The following LMO7 variants were observed in gnomAD, a reference collection of about 807,000 sequenced individuals.
LMO7 encodes LIM domain only protein 7.
LMO7 carries 120 observed loss-of-function variants against 206.5 expected under a neutral mutation model. That is an observed-to-expected ratio of 0.58 (90% CI 0.50 to 0.68). LMO7 has a LOEUF of 0.68. Ranked by LOEUF, LMO7 falls within the 30% of genes least tolerant of loss-of-function variation. The pLI, the probability that LMO7 is intolerant of heterozygous loss-of-function variation, is 0.00. For synonymous variants in LMO7, 706 were observed against 681.5 expected, an observed-to-expected ratio of 1.04 and a Z score of -0.56; for missense variants, 1,959 against 1,957.9, an observed-to-expected ratio of 1.00 and a Z score of -0.01.
intron 4 of LMO7, among the ~76,000 whole-genome samples, chr13:75,767,824 A>G (rs1318009200): frequency 6.6e-6 from 1 of 152,066 alleles, no homozygotes; most frequent in African/African-American, 2.4e-5. Context: ...ATCTTATCAT[A>G]TCAGTTAATA....
intron 1 of LMO7, among the ~76,000 whole-genome samples, chr13:75,662,054 A>T (rs1233402909): frequency 1.3e-5 from 2 of 152,164 alleles, no homozygotes; most frequent in East Asian, 1.9e-4. Flanking sequence ...CTGAGAAGCT[A>T]CTCACCCTTA....
chr13:75,779,704 GA>G (rs1566441784), intron 4 of LMO7, among the ~76,000 whole-genome samples: 1 of 152,100 alleles, frequency 6.6e-6, no homozygotes, highest in African/African-American at 2.4e-5. Flanking sequence ...TATGTAAATG[GA>G]AAAATTGACA....
intron 4 of LMO7, among the ~76,000 whole-genome samples, chr13:75,763,228 G>A (rs766654675): frequency 1.3e-5 from 2 of 152,118 alleles, no homozygotes; most frequent in Non-Finnish European, 2.9e-5. Flanking sequence ...GGCATCTAAT[G>A]GGTCAGGGAT....
At chr13:75,691,838 C>T (rs1021842573) in intron 1 of LMO7, among the ~76,000 whole-genome samples, 8 of 152,174 alleles carry the variant, frequency 5.3e-5, no homozygotes, top group East Asian at 1.9e-4. Context: ...GTGAAGACTG[C>T]GCCCAGCTGC....
At chr13:75,769,186 A>C (rs1594835061) in intron 4 of LMO7, among the ~76,000 whole-genome samples, 1 of 152,072 alleles carries the variant, frequency 6.6e-6, no homozygotes, top group African/African-American at 2.4e-5. Flanking sequence ...TTGGCTGTTT[A>C]GTGTTCCTTT....
intron 11 of LMO7, among the ~76,000 whole-genome samples, chr13:75,814,896 A>G (rs2056814787): frequency 6.6e-6 from 1 of 152,152 alleles, no homozygotes; most frequent in Admixed American, 6.5e-5. Flanking sequence ...AGGAGGTGTG[A>G]GCAGGGCAGG....
Position 75,853,402 on chromosome 13 carries a change from T to C in LMO7, c.4661+14T>C, listed in dbSNP as rs1318163129. On this transcript the variant is annotated intron_variant, in intron 28 of 30. Transcript: ENST00000377534. Reference sequence around the variant, plus strand: ...GCTGCGTAACAGGTGAGGCCCTTGCTGTTTCTCTTTCTTCTCTTAGTCTTG... The same window carrying C: ...GCTGCGTAACAGGTGAGGCCCTTGCCGTTTCTCTTTCTTCTCTTAGTCTTG... The C allele has an allele frequency of 6.5e-7, 1 of 1,547,740 alleles. No homozygotes were observed. The highest frequency in any genetic ancestry group is 2.3e-5 in the East Asian group (1 of 43,548).
chr13:75,700,085 G>A (rs1050082185), intron 1 of LMO7, among the ~76,000 whole-genome samples: 6 of 152,190 alleles, frequency 3.9e-5, no homozygotes, highest in Middle Eastern at 3.2e-3. Flanking sequence ...AGGCAGTCAG[G>A]CCTTATGGTT....
chr13:75,758,549 CTTTA>C (rs990279614), intron 3 of LMO7, among the ~76,000 whole-genome samples: 3 of 152,138 alleles, frequency 2.0e-5, no homozygotes, highest in African/African-American at 7.2e-5. Flanking sequence ...AAAATAAAGT[CTTTA>C]TTTAAGGCTA....
intron 1 of LMO7, among the ~76,000 whole-genome samples, chr13:75,703,006 A>T (rs777105751): frequency 2.6e-5 from 4 of 152,222 alleles, no homozygotes; most frequent in Non-Finnish European, 5.9e-5. Context: ...AGAGTGATAT[A>T]CTTTCATGTA....
intron 13 of LMO7, among the ~76,000 whole-genome samples, chr13:75,820,768 G>A (rs959054149): frequency 1.3e-5 from 2 of 152,138 alleles, no homozygotes; most frequent in African/African-American, 4.8e-5. Flanking sequence ...GCCAAGGTGG[G>A]CAGATCACAA....
intron 1 of LMO7, among the ~76,000 whole-genome samples, chr13:75,650,577 A>C (rs536755233): frequency 9.2e-4 from 140 of 152,334 alleles, no homozygotes; most frequent in Non-Finnish European, 1.4e-3. Context: ...ATTGAAGGAA[A>C]AAAATTTCCT....
upstream of LMO7, among the ~76,000 whole-genome samples, chr13:75,632,866 T>TTTTG (rs1195683903): frequency 1.1e-3 from 145 of 136,722 alleles, 13 homozygotes; most frequent in Non-Finnish European, 1.8e-3. Flanking sequence ...TTAAAAGTTT[T>TTTTG]TTTTTTTTTT....
chr13:75,680,961 CT>C (rs1293767803), intron 1 of LMO7, among the ~76,000 whole-genome samples: 1 of 151,472 alleles, frequency 6.6e-6, no homozygotes, highest in African/African-American at 2.4e-5. Context: ...GCATAAATGT[CT>C]TTTTTCGAGA....
chr13:75,700,135 T>C (rs992401190), intron 1 of LMO7, among the ~76,000 whole-genome samples: 4 of 152,238 alleles, frequency 2.6e-5, no homozygotes, highest in African/African-American at 9.6e-5. Flanking sequence ...ATCCTGTTCT[T>C]TTAGGATGCC....
chr13:75,832,249 AACTT>A (rs2058730710), intron 15 of LMO7, among the ~76,000 whole-genome samples: 1 of 152,112 alleles, frequency 6.6e-6, no homozygotes, highest in Non-Finnish European at 1.5e-5. Flanking sequence ...TTTAGAAAAT[AACTT>A]AAGTTCCATG....
chr13:75,701,974 G>A (rs2042313332), intron 1 of LMO7, among the ~76,000 whole-genome samples: 1 of 152,074 alleles, frequency 6.6e-6, no homozygotes, highest in Non-Finnish European at 1.5e-5. Flanking sequence ...TTTTCTTCCA[G>A]TTGTATTTCA....
At chr13:75,804,912 G>C in intron 8 of LMO7, 1 of 1,012,520 alleles carries the variant, frequency 9.9e-7, no homozygotes, top group African/African-American at 1.7e-5. Flanking sequence ...TAGCAGAACA[G>C]AGTGTGGTTT....
At chr13:75,775,975 G>C (rs1470702954) in intron 4 of LMO7, among the ~76,000 whole-genome samples, 3 of 150,488 alleles carry the variant, frequency 2.0e-5, no homozygotes, top group Non-Finnish European at 3.0e-5. Flanking sequence ...TCTACCTAAA[G>C]GGAAAGAATA....
Sources: gnomAD v4.1 joint callset for allele counts (sites outside exome capture counted in the v4.1 genomes callset) on GRCh38, gnomAD v4.1.1 for gene constraint, MANE v1.5 for transcripts, NCBI Gene and HGNC (gene_info 2026-07-23, HGNC 2026-07-21) for gene names.